The following GTF2E1 variants were observed in gnomAD, a reference collection of about 807,000 sequenced individuals.
GTF2E1 encodes the protein general transcription factor IIE subunit 1.
Under a neutral mutation model 34.9 loss-of-function variants are expected in GTF2E1, and 14 were observed. That is an observed-to-expected ratio of 0.40 (90% confidence interval 0.27 to 0.63). The LOEUF is 0.63. Among genes scored for constraint, GTF2E1 ranks in the 20% least tolerant of loss-of-function variants. The probability of loss-of-function intolerance (pLI) is 0.39; values close to 1 mark genes in which losing one functional copy is unlikely to be tolerated. For missense variants in GTF2E1, 469 were observed against 557.7 expected (o/e 0.84, Z 1.60); for synonymous variants, 188 against 192.9 (o/e 0.97, Z 0.21).
intron 3 of GTF2E1, among the ~76,000 whole-genome samples, chr3:120,774,689 G>A (rs1225085441): frequency 6.6e-6 from 1 of 151,970 alleles, no homozygotes; most frequent in Admixed American, 6.6e-5. Context: ...TGCCTCATAG[G>A]TCTAGACTTA....
chr3:120,748,589 T>C (rs1431380333), intron 1 of GTF2E1, among the ~76,000 whole-genome samples: 6 of 152,190 alleles, frequency 3.9e-5, no homozygotes, highest in Non-Finnish European at 7.3e-5. Flanking sequence ...CTGAGGGCTC[T>C]GTTGTGTTCC....
rs186169584 is a variant in GTF2E1, at chr3:120,777,972, C to T, written c.892+1308C>T. ...CTCCTGACCTCAAGTGATCTGCCTG[C>T]CTCGGCCTCCCAAAGTGCTGGGATT... is the stretch of plus-strand genomic sequence containing the variant. On this transcript the variant is annotated intron_variant, in intron 4 of 4. Coordinates refer to ENST00000283875, the MANE Select transcript of GTF2E1 (RefSeq NM_005513.3). 9.6e-4 allele frequency among the ~76,000 whole-genome samples: 147 copies of T among 152,336 alleles called. 2 individuals carry two copies. The highest frequency in any genetic ancestry group is 2.9e-3 in the African/African-American group (122 of 41,588).
chr3:120,747,716 A>G (rs1340182850), intron 1 of GTF2E1, among the ~76,000 whole-genome samples: 1 of 152,206 alleles, frequency 6.6e-6, no homozygotes, highest in Admixed American at 6.5e-5. Context: ...ATACGTGTGC[A>G]TGTGTCTCTA....
chr3:120,763,971 A>C (rs1709286236), intron 2 of GTF2E1, among the ~76,000 whole-genome samples: 1 of 152,112 alleles, frequency 6.6e-6, no homozygotes, highest in Non-Finnish European at 1.5e-5. Context: ...TTCTATCATT[A>C]TTCCCATGTT....
intron 1 of GTF2E1, among the ~76,000 whole-genome samples, chr3:120,745,368 T>G (rs1709096261): frequency 1.3e-5 from 2 of 152,128 alleles, no homozygotes; most frequent in African/African-American, 2.4e-5. Context: ...CTAGGGTGTT[T>G]TAGGCAAAGG....
intron 1 of GTF2E1, among the ~76,000 whole-genome samples, chr3:120,747,144 C>T (rs897035115): frequency 2.6e-5 from 4 of 151,582 alleles, no homozygotes; most frequent in African/African-American, 4.8e-5. Flanking sequence ...GCTCTTGTTG[C>T]CCAGGCTGGA....
intron 2 of GTF2E1, among the ~76,000 whole-genome samples, chr3:120,753,930 T>G (rs1448312557): frequency 1.3e-5 from 2 of 152,188 alleles, no homozygotes; most frequent in East Asian, 3.8e-4. Flanking sequence ...GCTTAATCAT[T>G]AAGGTGAAAC....
Position 120,766,260 on chromosome 3 carries a change from C to T in GTF2E1, c.449-4468C>T, listed in dbSNP as rs145923216. On this transcript the variant is annotated intron_variant, in intron 2 of 4. Transcript: ENST00000283875. The stretch of plus-strand genomic sequence containing the variant: ...ATAAATTCCACTGGGGATTTTTATG[C>T]AGACACTCAGTTAAGAACTGCCTTA... 9.3e-3 allele frequency among the ~76,000 whole-genome samples: 1,410 copies of T among 152,248 alleles called. 22 individuals carry two copies. The highest frequency in any genetic ancestry group is 0.032 in the African/African-American group (1,345 of 41,526).
At chr3:120,777,454 A>G (rs1709411139) in intron 4 of GTF2E1, among the ~76,000 whole-genome samples, 1 of 152,204 alleles carries the variant, frequency 6.6e-6, no homozygotes, top group African/African-American at 2.4e-5. Flanking sequence ...ATCATTACTA[A>G]CATATCACGT....
chr3:120,766,420 T>C (rs1163060730), intron 2 of GTF2E1, among the ~76,000 whole-genome samples: 1 of 152,180 alleles, frequency 6.6e-6, no homozygotes, highest in Non-Finnish European at 1.5e-5. Flanking sequence ...AGCTTATCAT[T>C]CAAGACCAAT....
At chr3:120,777,463 G>A (rs1467510824) in intron 4 of GTF2E1, among the ~76,000 whole-genome samples, 1 of 152,086 alleles carries the variant, frequency 6.6e-6, no homozygotes, top group Non-Finnish European at 1.5e-5. Context: ...AACATATCAC[G>A]TGAGTTTGGT....
At chr3:120,779,188 A>G (rs1171894331) in intron 4 of GTF2E1, among the ~76,000 whole-genome samples, 1 of 152,218 alleles carries the variant, frequency 6.6e-6, no homozygotes, top group Non-Finnish European at 1.5e-5. Context: ...CTTGTCAGAA[A>G]TCTGTTACGT....
chr3:120,772,835 G>T (rs745881116), intron 3 of GTF2E1, among the ~76,000 whole-genome samples: 1 of 152,006 alleles, frequency 6.6e-6, no homozygotes, highest in Non-Finnish European at 1.5e-5. Context: ...CCACAATCCA[G>T]CTCCCCTTCC....
At chr3:120,780,224 G>A (rs1309584968) in intron 4 of GTF2E1, among the ~76,000 whole-genome samples, 1 of 152,122 alleles carries the variant, frequency 6.6e-6, no homozygotes, top group African/African-American at 2.4e-5. Context: ...TATCTGTTGT[G>A]GTAGAACCTA....
At chr3:120,779,417 AT>A (rs1455284485) in intron 4 of GTF2E1, among the ~76,000 whole-genome samples, 2 of 152,208 alleles carry the variant, frequency 1.3e-5, no homozygotes, top group East Asian at 3.8e-4. Context: ...CTTTGACAAT[AT>A]TTTGAAGTAG....
At chr3:120,755,199 AACTTGGTATCT>A (rs1209974947) in intron 2 of GTF2E1, among the ~76,000 whole-genome samples, 1 of 152,178 alleles carries the variant, frequency 6.6e-6, no homozygotes, top group Non-Finnish European at 1.5e-5. Flanking sequence ...TAGTCAAGTA[AACTTGGTATCT>A]ACTTGAGATA....
At chr3:120,755,151 G>T (rs1709197956) in intron 2 of GTF2E1, among the ~76,000 whole-genome samples, 1 of 152,166 alleles carries the variant, frequency 6.6e-6, no homozygotes, top group African/African-American at 2.4e-5. Flanking sequence ...GCCAACAATG[G>T]AATAGATCTC....
At chr3:120,773,506 G>T (rs1289159677) in intron 3 of GTF2E1, among the ~76,000 whole-genome samples, 1 of 152,016 alleles carries the variant, frequency 6.6e-6, no homozygotes, top group Non-Finnish European at 1.5e-5. Flanking sequence ...CTGTCAGTAG[G>T]CCTAACCCAA....
intron 2 of GTF2E1, among the ~76,000 whole-genome samples, chr3:120,753,273 A>G (rs183073249): frequency 1.2e-4 from 18 of 152,170 alleles, no homozygotes; most frequent in Admixed American, 2.0e-4. Context: ...TATGAAGAAG[A>G]TGGGCAATAA....
Sources: allele counts gnomAD v4.1 joint callset (sites outside exome capture counted in the v4.1 genomes callset), GRCh38; gene constraint gnomAD v4.1.1; transcripts MANE v1.5; gene names NCBI Gene and HGNC (gene_info 2026-07-23, HGNC 2026-07-21).